SMYD3: variants seen among roughly 807,000 people sequenced by gnomAD.
SMYD3 encodes the protein histone-lysine N-methyltransferase SMYD3.
In SMYD3, 36 loss-of-function variants were observed where a neutral mutation model predicts 57.7. The ratio of observed to expected loss-of-function variants is 0.62; its 90% CI spans 0.48 to 0.82. The LOEUF (loss-of-function observed/expected upper bound fraction) is 0.82. SMYD3 is among the 40% of genes least tolerant of loss of function. The probability of loss-of-function intolerance (pLI) is 0.00; values close to 1 mark genes in which losing one functional copy is unlikely to be tolerated. For synonymous variants in SMYD3, 211 were observed against 195.0 expected, an observed-to-expected ratio of 1.08 and a Z score of -0.68; for missense variants, 515 against 538.8, an observed-to-expected ratio of 0.96 and a Z score of 0.44.
chr1:246,107,173 G>T (rs12080174), intron 5 of SMYD3, among the ~76,000 whole-genome samples: 24,435 of 147,178 alleles, frequency 0.17, 4,249 homozygotes, highest in African/African-American at 0.43. Context: ...TGTAGTCCCA[G>T]CTACTCGGGA....
intron 5 of SMYD3, among the ~76,000 whole-genome samples, chr1:246,246,961 A>C (rs1262344550): frequency 6.6e-6 from 1 of 152,206 alleles, no homozygotes; most frequent in Non-Finnish European, 1.5e-5. Flanking sequence ...AATATTCAGC[A>C]TATTTCTTCG....
At position 246,383,728 on chromosome 1, in the gene SMYD3, G is replaced by A. The variant is rs181768597; in HGVS notation, c.165-28634C>T. ...TGTAATCCCAGCACTTTGGGAGGCC[G>A]AGGTGGGTTGATCACTTGAGGTCAA... is the stretch of plus-strand genomic sequence containing the variant. On this transcript the variant is annotated intron_variant, in intron 1 of 11. Transcript: ENST00000490107. Among the ~76,000 whole-genome samples, 26 of 152,286 alleles carry A rather than the reference G, an allele frequency of 1.7e-4. No homozygotes were observed. The East Asian group carries it at 4.2e-3, about 25-fold the overall frequency.
chr1:245,934,463 C>T (rs1401696737), intron 5 of SMYD3, among the ~76,000 whole-genome samples: 1 of 152,102 alleles, frequency 6.6e-6, no homozygotes, highest in African/African-American at 2.4e-5. Context: ...TCTCATAAAC[C>T]TTAAGAGATT....
At chr1:246,231,467 G>C (rs774721897) in intron 5 of SMYD3, among the ~76,000 whole-genome samples, 2 of 152,146 alleles carry the variant, frequency 1.3e-5, no homozygotes, top group Non-Finnish European at 2.9e-5. Context: ...ATTTTTTACA[G>C]TATTCAGAAA....
At chr1:245,955,592 A>G (rs556965064) in intron 5 of SMYD3, among the ~76,000 whole-genome samples, 2 of 152,320 alleles carry the variant, frequency 1.3e-5, no homozygotes, top group East Asian at 1.9e-4. Flanking sequence ...CTGAGTATAG[A>G]TAGTACAGTA....
chr1:246,279,787 T>C (rs1403312591), intron 5 of SMYD3, among the ~76,000 whole-genome samples: 1 of 152,192 alleles, frequency 6.6e-6, no homozygotes, highest in Non-Finnish European at 1.5e-5. Flanking sequence ...CTGTGACGCA[T>C]CACACAACTT....
chr1:245,848,097 T>G (rs2885549), intron 10 of SMYD3, among the ~76,000 whole-genome samples: 62,048 of 140,550 alleles, frequency 0.44, 13,422 homozygotes, highest in East Asian at 0.8. Flanking sequence ...GCAACAGAGA[T>G]AAAGTCTTTT....
At chr1:246,452,385 C>A (rs1250194344) in intron 1 of SMYD3, among the ~76,000 whole-genome samples, 1 of 152,062 alleles carries the variant, frequency 6.6e-6, no homozygotes, top group Non-Finnish European at 1.5e-5. Context: ...ACCTGTACTA[C>A]CAGCTACTGG....
chr1:246,380,352 T>C (rs765100122), intron 1 of SMYD3, among the ~76,000 whole-genome samples: 17 of 152,174 alleles, frequency 1.1e-4, no homozygotes, highest in Non-Finnish European at 2.2e-4. Context: ...AAATGGAAAT[T>C]CGTAATTGAT....
At chr1:245,888,638 C>A (rs1402566429) in intron 8 of SMYD3, among the ~76,000 whole-genome samples, 1 of 152,178 alleles carries the variant, frequency 6.6e-6, no homozygotes, top group Non-Finnish European at 1.5e-5. Flanking sequence ...TCTAGCTATT[C>A]AAATTTAACT....
At chr1:246,028,422 C>G (rs1167736827) in intron 5 of SMYD3, among the ~76,000 whole-genome samples, 1 of 152,062 alleles carries the variant, frequency 6.6e-6, no homozygotes, top group Non-Finnish European at 1.5e-5. Context: ...ATATACAAAA[C>G]TATACATCAA....
chr1:246,273,623 C>T (rs1247458630), intron 5 of SMYD3, among the ~76,000 whole-genome samples: 2 of 116,202 alleles, frequency 1.7e-5, no homozygotes, highest in African/African-American at 3.4e-5. Flanking sequence ...TTGGTCTTGT[C>T]GCCCAGGTGG....
chr1:245,967,221 A>T (rs1035249802), intron 5 of SMYD3, among the ~76,000 whole-genome samples: 3 of 152,164 alleles, frequency 2.0e-5, no homozygotes, highest in Admixed American at 6.5e-5. Flanking sequence ...TATCTTTATT[A>T]ATCTGGCTTT....
chr1:245,830,399 C>A (rs185778198), intron 10 of SMYD3, among the ~76,000 whole-genome samples: 28 of 152,290 alleles, frequency 1.8e-4, no homozygotes, highest in African/African-American at 6.7e-4. Context: ...TCTTGTGAAA[C>A]TTATTCACTT....
At chr1:246,319,913 T>C (rs1396378289) in intron 5 of SMYD3, among the ~76,000 whole-genome samples, 3 of 152,228 alleles carry the variant, frequency 2.0e-5, no homozygotes, top group Non-Finnish European at 4.4e-5. Context: ...TGCTGATTTA[T>C]ATACTTCACT....
chr1:245,772,328 C>T (rs1490513755), intron 10 of SMYD3, among the ~76,000 whole-genome samples: 2 of 152,166 alleles, frequency 1.3e-5, no homozygotes, highest in African/African-American at 4.8e-5. Flanking sequence ...CTCTTAAAAC[C>T]TTCCACCAAA....
chr1:246,300,698 T>C (rs1148709), intron 5 of SMYD3, among the ~76,000 whole-genome samples: 67,560 of 151,852 alleles, frequency 0.44, 15,798 homozygotes, highest in East Asian at 0.82. Flanking sequence ...GGCCTCAGTC[T>C]TGTCTCCTGG....
chr1:246,495,916 G>T (rs936283575), intron 1 of SMYD3, among the ~76,000 whole-genome samples: 5 of 151,976 alleles, frequency 3.3e-5, no homozygotes, highest in Non-Finnish European at 5.9e-5. Context: ...AGTGAGCTCA[G>T]ATCATGCCAC....
At chr1:246,405,923 AAAG>A (rs1357723778) in intron 1 of SMYD3, among the ~76,000 whole-genome samples, 93 of 142,540 alleles carry the variant, frequency 6.5e-4, no homozygotes, top group Non-Finnish European at 8.0e-4. Flanking sequence ...AAAAAAAAAA[AAAG>A]AAAGAAAGAA....
Sources: allele counts gnomAD v4.1 joint callset (sites outside exome capture counted in the v4.1 genomes callset), GRCh38; gene constraint gnomAD v4.1.1; transcripts MANE v1.5; gene names NCBI Gene and HGNC (gene_info 2026-07-23, HGNC 2026-07-21).